The following LGI2 variants were observed in gnomAD, a reference collection of about 807,000 sequenced individuals.
The protein encoded by LGI2 is leucine rich repeat LGI family member 2.
A neutral mutation model predicts 52.0 loss-of-function variants in LGI2; 30 were observed. The observed-to-expected ratio is 0.58, with a 90% CI of 0.43 to 0.78. The LOEUF (loss-of-function observed/expected upper bound fraction) is 0.78. Ranked by LOEUF, LGI2 falls within the 30% of genes least tolerant of loss-of-function variation. The pLI is 0.00. For synonymous variants in LGI2, 270 were observed against 271.8 expected, an observed-to-expected ratio of 0.99 and a Z score of 0.06; for missense variants, 573 against 692.5, an observed-to-expected ratio of 0.83 and a Z score of 1.94.
At chr4:25,017,464 C>G (rs1311034858) in intron 6 of LGI2, among the ~76,000 whole-genome samples, 1 of 145,170 alleles carries the variant, frequency 6.9e-6, no homozygotes, top group Non-Finnish European at 1.5e-5. Flanking sequence ...ATCGCTTGAA[C>G]CCAGGAGGTG....
At chr4:25,008,469 C>T (rs1725463720) in intron 7 of LGI2, among the ~76,000 whole-genome samples, 1 of 147,462 alleles carries the variant, frequency 6.8e-6, no homozygotes, top group East Asian at 2.0e-4. Flanking sequence ...CAGAAAATCA[C>T]TTGAATCTGG....
In LGI2 at chr4:25,001,988, A is replaced by C. The variant is rs1236242238; in HGVS notation, c.*1463T>G. On this transcript the variant is annotated 3_prime_UTR_variant, in exon 8 of 8. Coordinates refer to ENST00000382114, the MANE Select transcript of LGI2 (RefSeq NM_018176.4). ...AGCTACCCCTAAAGGCATTCACTTT[A>C]TATTCTCTGAAGAGAACCAGCTAAC... 1 of 152,248 alleles carries C rather than the reference A, an allele frequency of 6.6e-6. No homozygotes were observed. Among genetic ancestry groups the C allele is most frequent in the Non-Finnish European group, 1.5e-5 (1 of 68,046 alleles). 9.4% of individuals were successfully genotyped at this position (152,248 alleles called of 1,614,324 possible).
In LGI2 at chr4:25,004,291, G is replaced by A; in HGVS notation, c.821-23C>T. The A allele has an allele frequency of 6.3e-7, 1 of 1,586,766 alleles. No individual in the cohort carries two copies. The highest frequency in any genetic ancestry group is 8.6e-7 in the Non-Finnish European group (1 of 1,167,462). On this transcript the variant is annotated intron_variant, in intron 7 of 7. Coordinates refer to ENST00000382114, the MANE Select transcript of LGI2 (RefSeq NM_018176.4). The surrounding 1 kb of genome is among the most constrained non-coding windows in gnomAD (Gnocchi z 4.6). ...GACCTGTGCTCCAAAATAAAGGAGA[G>A]GACATTAGTGCAACTACAGCTAAAA...
rs144272338 is a variant in LGI2 at position 25,004,076 on chromosome 4, G to A, written c.1013C>T (p.Thr338Met). The A allele has an allele frequency of 5.3e-4, 849 of 1,614,024 alleles. No individual in the cohort carries two copies. Among genetic ancestry groups the A allele is most frequent in the Non-Finnish European group, 6.9e-4 (815 of 1,180,028 alleles). The change falls in exon 8 of 8, where the codon ACG (threonine) becomes ATG (methionine). Residue 338 changes from threonine to methionine, a missense_variant. Transcript: ENST00000382114. The surrounding 1 kb of genome is among the most constrained non-coding windows in gnomAD (Gnocchi z 4.6). ...TGAGCTGTCTGCGATGACAAAGAACGTCTCGTCGTCGATCTGAAACAGCTC... is the reference window on the plus strand; with the variant it reads ...TGAGCTGTCTGCGATGACAAAGAACATCTCGTCGTCGATCTGAAACAGCTC... Reference protein sequence around the residue: ...DIELFQIDDETFFVIADSSKA... With the variant: ...DIELFQIDDEMFFVIADSSKA...
At chr4:24,992,252 G>A in the LGI2 span, among the ~76,000 whole-genome samples, 1 of 152,116 alleles carries the variant, frequency 6.6e-6, no homozygotes, top group African/African-American at 2.4e-5. Context: ...GGAGTAAGAG[G>A]CTCCAAAGGA....
At chr4:25,028,334 C>T (rs757636) in intron 2 of LGI2, among the ~76,000 whole-genome samples, 173 bp downstream of exon 2, 11,719 of 152,142 alleles carry the variant, frequency 0.077, 460 homozygotes, top group East Asian at 0.12. Flanking sequence ...GAGCAGGGAG[C>T]CTCAGTGCTT....
intron 6 of LGI2, among the ~76,000 whole-genome samples, chr4:25,014,654 C>A (rs1725696153): frequency 6.6e-6 from 1 of 151,940 alleles, no homozygotes; most frequent in Non-Finnish European, 1.5e-5. Context: ...CATAGCAAGA[C>A]CTTCTCTTTA....
At chr4:25,011,238 A>G (rs1323097604) in intron 7 of LGI2, among the ~76,000 whole-genome samples, 1 of 151,966 alleles carries the variant, frequency 6.6e-6, no homozygotes, top group African/African-American at 2.4e-5. Context: ...GCACAAAACC[A>G]CGTGGACATG....
At chr4:24,994,154 A>G (rs1280483325), downstream of LGI2, among the ~76,000 whole-genome samples, 4 of 152,214 alleles carry the variant, frequency 2.6e-5, no homozygotes, top group Non-Finnish European at 5.9e-5. Context: ...TTTGCTGAAC[A>G]ACATCAAGTC....
chr4:25,029,870 C>G (rs1726266077), intron 1 of LGI2, among the ~76,000 whole-genome samples: 1 of 152,246 alleles, frequency 6.6e-6, no homozygotes, highest in Non-Finnish European at 1.5e-5. Flanking sequence ...TACCCCTCTT[C>G]TAGGCCACGG....
the LGI2 span, among the ~76,000 whole-genome samples, chr4:24,992,564 A>T: frequency 6.6e-6 from 1 of 152,108 alleles, no homozygotes; most frequent in African/African-American, 2.4e-5. Context: ...AAATAAAAAA[A>T]AATAAAAAAT....
intron 6 of LGI2, among the ~76,000 whole-genome samples, chr4:25,014,004 G>A (rs1397146858): frequency 1.3e-5 from 2 of 152,186 alleles, no homozygotes; most frequent in African/African-American, 2.4e-5. Flanking sequence ...CAGTCATCAT[G>A]TGCTCCCTTT....
At chr4:25,017,721 T>C (rs2109417644) in intron 6 of LGI2, among the ~76,000 whole-genome samples, 1 of 152,260 alleles carries the variant, frequency 6.6e-6, no homozygotes, top group East Asian at 1.9e-4. Context: ...AGTTTATACT[T>C]TGACTTAAGA....
chr4:25,026,113 C>A (rs1014015939), intron 3 of LGI2, among the ~76,000 whole-genome samples: 2 of 151,586 alleles, frequency 1.3e-5, no homozygotes, highest in Non-Finnish European at 1.5e-5. Context: ...TAGGATGTGT[C>A]TAGAATTCCA....
At chr4:24,993,560 G>T in the LGI2 span, among the ~76,000 whole-genome samples, 1 of 152,184 alleles carries the variant, frequency 6.6e-6, no homozygotes, top group Non-Finnish European at 1.5e-5. Flanking sequence ...CCTCTGGAAT[G>T]AGAGCTTCCT....
intron 3 of LGI2, among the ~76,000 whole-genome samples, chr4:25,025,604 G>A (rs956037870): frequency 2.2e-5 from 3 of 137,478 alleles, no homozygotes; most frequent in South Asian, 2.1e-4. Flanking sequence ...GGAAATAATT[G>A]ATGTGAATTC....
intron 4 of LGI2, among the ~76,000 whole-genome samples, chr4:25,023,894 C>G (rs1201839526): frequency 1.3e-5 from 2 of 152,140 alleles, no homozygotes; most frequent in Admixed American, 6.5e-5. Flanking sequence ...AGTGTGTGTA[C>G]TTGCTTCATT....
intron 7 of LGI2, among the ~76,000 whole-genome samples, chr4:25,010,814 G>T (rs2109410598): frequency 6.6e-6 from 1 of 152,322 alleles, no homozygotes; most frequent in South Asian, 2.1e-4. Flanking sequence ...CAGGCATAGT[G>T]GCTCAAGCCT....
intron 7 of LGI2, among the ~76,000 whole-genome samples, chr4:25,009,687 G>T (rs1179919222): frequency 6.6e-6 from 1 of 152,106 alleles, no homozygotes; most frequent in Non-Finnish European, 1.5e-5. Flanking sequence ...CCAGGCTGGA[G>T]TGCAGTGGCA....
Sources: gnomAD v4.1 joint callset for allele counts (sites outside exome capture counted in the v4.1 genomes callset) on GRCh38, gnomAD v4.1.1 for gene constraint, Gnocchi (gnomAD v3.1) non-coding constraint, MANE v1.5 for transcripts, NCBI Gene and HGNC (gene_info 2026-07-23, HGNC 2026-07-21) for gene names.